THRB: variants seen among roughly 807,000 people sequenced by gnomAD.
THRB encodes thyroid hormone receptor beta, also known as nuclear receptor subfamily 1 group A member 2.
Under a neutral mutation model 47.8 loss-of-function variants are expected in THRB, and 12 were observed. The ratio of observed to expected loss-of-function variants is 0.25; its 90% CI spans 0.16 to 0.41. THRB has a LOEUF of 0.41. THRB is among the 10% of genes least tolerant of loss of function. The pLI is 1.00. For missense variants in THRB, 348 were observed against 589.2 expected, an observed-to-expected ratio of 0.59 and a Z score of 4.24; for synonymous variants, 218 against 212.2, an observed-to-expected ratio of 1.03 and a Z score of -0.24.
At chr3:24,161,485 GGAGA>G (rs142479014) in intron 5 of THRB, among the ~76,000 whole-genome samples, 1 of 152,048 alleles carries the variant, frequency 6.6e-6, no homozygotes, top group East Asian at 1.9e-4. Context: ...AGGGAAAGTA[GGAGA>G]GAGAGACAGA....
At chr3:24,257,468 T>TAA (rs1422739500) in intron 3 of THRB, among the ~76,000 whole-genome samples, 4 of 152,102 alleles carry the variant, frequency 2.6e-5, no homozygotes, top group Admixed American at 6.6e-5. Context: ...TGCTTCATAG[T>TAA]AAAAAAAGAA....
At chr3:24,265,510 C>T (rs890494324) in intron 3 of THRB, among the ~76,000 whole-genome samples, 1 of 152,128 alleles carries the variant, frequency 6.6e-6, no homozygotes, top group Non-Finnish European at 1.5e-5. Flanking sequence ...TAAGTCTAAT[C>T]AGGTGCAGGA....
intron 8 of THRB, among the ~76,000 whole-genome samples, chr3:24,140,676 C>T (rs1165609839): frequency 6.6e-6 from 1 of 152,160 alleles, no homozygotes; most frequent in East Asian, 1.9e-4. Flanking sequence ...ATGACCCAAC[C>T]TTAGAAGTAA....
intron 5 of THRB, among the ~76,000 whole-genome samples, chr3:24,164,305 G>A (rs139842999): frequency 4.6e-5 from 7 of 152,196 alleles, no homozygotes; most frequent in East Asian, 3.9e-4. Flanking sequence ...AATGGATATC[G>A]TACTGGTTTT....
At chr3:24,361,677 C>T (rs902079105) in intron 1 of THRB, among the ~76,000 whole-genome samples, 1 of 152,066 alleles carries the variant, frequency 6.6e-6, no homozygotes, top group Non-Finnish European at 1.5e-5. Flanking sequence ...AGAAATTTTC[C>T]CATCTGGTTT....
intron 1 of THRB, among the ~76,000 whole-genome samples, chr3:24,413,685 T>C (rs953299133): frequency 1.3e-5 from 2 of 151,796 alleles, no homozygotes; most frequent in South Asian, 4.2e-4. Flanking sequence ...ATCATTTACA[T>C]TAGGTATACC....
chr3:24,392,096 T>C (rs1358471708), intron 1 of THRB, among the ~76,000 whole-genome samples: 1 of 152,182 alleles, frequency 6.6e-6, no homozygotes, highest in Non-Finnish European at 1.5e-5. Context: ...TATTGAATCT[T>C]ACAACTACAC....
chr3:24,127,228 T>G (rs968831636), intron 10 of THRB, among the ~76,000 whole-genome samples: 2 of 152,158 alleles, frequency 1.3e-5, no homozygotes, highest in African/African-American at 4.8e-5. Flanking sequence ...CGAAGAGGGC[T>G]GCACAGTATC....
chr3:24,214,511 A>G (rs2149903186), intron 4 of THRB, among the ~76,000 whole-genome samples: 1 of 145,728 alleles, frequency 6.9e-6, no homozygotes, highest in Non-Finnish European at 1.5e-5. Flanking sequence ...GAGAGACAAG[A>G]AGGAGTCAAA....
At chr3:24,215,128 C>T (rs2046428316) in intron 4 of THRB, among the ~76,000 whole-genome samples, 1 of 152,172 alleles carries the variant, frequency 6.6e-6, no homozygotes, top group African/African-American at 2.4e-5. Flanking sequence ...CTAACATTTA[C>T]TGAGTGCTTT....
intron 4 of THRB, among the ~76,000 whole-genome samples, chr3:24,191,026 T>G (rs1000168040): frequency 6.6e-6 from 1 of 152,090 alleles, no homozygotes; most frequent in Non-Finnish European, 1.5e-5. Context: ...AATGATAGAA[T>G]GATGAACTTA....
chr3:24,186,321 G>C (rs1053906291), intron 5 of THRB, among the ~76,000 whole-genome samples: 1 of 151,996 alleles, frequency 6.6e-6, no homozygotes, highest in African/African-American at 2.4e-5. Context: ...TGGATATATC[G>C]TCTCAGACTG....
At chr3:24,399,625 C>T (rs1030255972) in intron 1 of THRB, among the ~76,000 whole-genome samples, 2 of 152,044 alleles carry the variant, frequency 1.3e-5, no homozygotes, top group Non-Finnish European at 2.9e-5. Flanking sequence ...AACCCTCATA[C>T]GATCTTCTAG....
chr3:24,146,916 C>T (rs1343747531), intron 6 of THRB, 94 bp from the exon 7 acceptor site: 21 of 1,136,432 alleles, frequency 1.8e-5, no homozygotes, highest in Admixed American at 3.5e-5. Context: ...TGAGATGAAT[C>T]GTTTTGGACC....
rs565598036 is a variant in THRB, at chr3:24,193,071, G to C, written c.23-2737C>G. ...AAGGATGAGACTCCCATGACACTGGGGTCCTTGAATTCTACCTACTGGATA... is the reference window on the plus strand; with the variant it reads ...AAGGATGAGACTCCCATGACACTGGCGTCCTTGAATTCTACCTACTGGATA... On this transcript the variant is annotated intron_variant, in intron 4 of 10. Transcript: ENST00000646209. Among the ~76,000 whole-genome samples, 4 of 152,192 alleles carry C rather than the reference G, an allele frequency of 2.6e-5. No individual in the cohort carries two copies. The South Asian group carries it at 6.2e-4, about 24-fold the overall frequency.
chr3:24,317,927 G>A (rs2058234520), intron 2 of THRB, among the ~76,000 whole-genome samples: 1 of 152,076 alleles, frequency 6.6e-6, no homozygotes. Flanking sequence ...GTATGGTGGT[G>A]TGTGACTGGA....
At position 24,165,087 on chromosome 3, in the gene THRB, A is replaced by G. The variant is rs370550638; in HGVS notation, c.284-12597T>C. ...GAAAAAGTAGGCTTTTCTTCAGTGA[A>G]ATATTCAGGTTGGCTGTATTGATTC... On this transcript the variant is annotated intron_variant, in intron 5 of 10. Coordinates refer to ENST00000646209, the MANE Select transcript of THRB (RefSeq NM_001354712.2). 2.8e-4 allele frequency: 217 copies of G among 764,816 alleles called. 1 individual carries two copies. Among genetic ancestry groups the G allele is most frequent in the Admixed American group, 4.2e-4 (25 of 58,992 alleles). 47.4% of individuals were successfully genotyped at this position (764,816 alleles called of 1,614,324 possible).
chr3:24,151,165 C>T (rs1256652066), intron 6 of THRB, among the ~76,000 whole-genome samples: 1 of 152,256 alleles, frequency 6.6e-6, no homozygotes, highest in East Asian at 1.9e-4. Context: ...AGTCTTGCAA[C>T]CTTAGAAATT....
chr3:24,237,388 A>G (rs528410408), intron 3 of THRB, among the ~76,000 whole-genome samples: 66 of 152,230 alleles, frequency 4.3e-4, no homozygotes, highest in African/African-American at 1.5e-3. Flanking sequence ...GCTGTTGCTG[A>G]TATTTCTTTT....
Sources: gnomAD v4.1 joint callset for allele counts (sites outside exome capture counted in the v4.1 genomes callset) on GRCh38, gnomAD v4.1.1 for gene constraint, MANE v1.5 for transcripts, NCBI Gene and HGNC (gene_info 2026-07-23, HGNC 2026-07-21) for gene names.